Variants in ERBB4 observed in about 807,000 individuals in gnomAD.
ERBB4 encodes erb-b2 receptor tyrosine kinase 4, also known as receptor tyrosine-protein kinase erbB-4.
Under a neutral mutation model 158.0 loss-of-function variants are expected in ERBB4, and 42 were observed. That is an observed-to-expected ratio of 0.27 (90% CI 0.21 to 0.34). ERBB4 has a LOEUF of 0.34. ERBB4 is among the 10% of genes least tolerant of loss of function. The pLI is 1.00. For missense variants in ERBB4, 1,333 were observed against 1,624.1 expected (o/e 0.82, Z 3.08); for synonymous variants, 583 against 558.7 (o/e 1.04, Z -0.61).
intron 25 of ERBB4, among the ~76,000 whole-genome samples, chr2:211,395,120 T>C (rs1016195294): frequency 2.0e-5 from 3 of 152,106 alleles, no homozygotes; most frequent in African/African-American, 7.2e-5. Context: ...AAGTTTTCTC[T>C]CATAAATCTT....
At chr2:211,773,629 T>TATATATATATA (rs2075784967) in intron 4 of ERBB4, among the ~76,000 whole-genome samples, 1 of 51,078 alleles carries the variant, frequency 2.0e-5, no homozygotes, top group Non-Finnish European at 4.1e-5. Flanking sequence ...TATATATATA[T>TATATATATATA]ATATATATAT....
intron 19 of ERBB4, among the ~76,000 whole-genome samples, chr2:211,614,422 T>C (rs931896319): frequency 6.6e-6 from 1 of 152,016 alleles, no homozygotes; most frequent in African/African-American, 2.4e-5. Context: ...TGAGTGTGAT[T>C]GGATTGTTTG....
intron 3 of ERBB4, among the ~76,000 whole-genome samples, chr2:211,805,329 G>A (rs760653364): frequency 6.6e-6 from 1 of 152,120 alleles, no homozygotes; most frequent in African/African-American, 2.4e-5. Context: ...GAAGAGTTGA[G>A]TGAGAACAAG....
chr2:212,055,108 T>G (rs1334628932), intron 2 of ERBB4, among the ~76,000 whole-genome samples: 1 of 152,150 alleles, frequency 6.6e-6, no homozygotes, highest in African/African-American at 2.4e-5. Flanking sequence ...ACCCTAATAC[T>G]GTGCTTTTCC....
intron 1 of ERBB4, among the ~76,000 whole-genome samples, chr2:212,191,439 A>T (rs375553086): frequency 5.3e-5 from 1 of 19,002 alleles, no homozygotes; most frequent in African/African-American, 1.6e-4. Flanking sequence ...GTATATACAC[A>T]TGTTATACAT....
At chr2:211,944,484 C>G (rs2080622806) in intron 3 of ERBB4, among the ~76,000 whole-genome samples, 1 of 151,058 alleles carries the variant, frequency 6.6e-6, no homozygotes, top group Admixed American at 6.6e-5. Context: ...CATTTTATAC[C>G]CAAGTTTCTA....
At chr2:211,679,698 T>C (rs921204373) in intron 12 of ERBB4, among the ~76,000 whole-genome samples, 1 of 152,188 alleles carries the variant, frequency 6.6e-6, no homozygotes, top group Admixed American at 6.5e-5. Context: ...GTTTGTTTTT[T>C]TGAGACAGTC....
chr2:212,338,389 A>T (rs1474672811), intron 1 of ERBB4, among the ~76,000 whole-genome samples: 2 of 152,132 alleles, frequency 1.3e-5, no homozygotes, highest in Non-Finnish European at 1.5e-5. Context: ...GAAAGACCAT[A>T]TGCATATACA....
intron 19 of ERBB4, among the ~76,000 whole-genome samples, chr2:211,616,740 T>G (rs1264061595): frequency 6.6e-6 from 1 of 152,176 alleles, no homozygotes; most frequent in Non-Finnish European, 1.5e-5. Flanking sequence ...GTCTCGAAAA[T>G]AGTAGGACAT....
intron 1 of ERBB4, among the ~76,000 whole-genome samples, chr2:212,310,057 G>T (rs564176883): frequency 3.3e-5 from 5 of 150,576 alleles, no homozygotes; most frequent in Admixed American, 6.6e-5. Flanking sequence ...ATTTTTCTAA[G>T]TAAGTAAACA....
chr2:211,802,686 A>C (rs1265500438), intron 3 of ERBB4, among the ~76,000 whole-genome samples: 1 of 152,242 alleles, frequency 6.6e-6, no homozygotes, highest in African/African-American at 2.4e-5. Flanking sequence ...TTCAAGAGTT[A>C]TAATCTAAAT....
chr2:211,605,518 A>T (rs1252212612), intron 19 of ERBB4, among the ~76,000 whole-genome samples: 1 of 152,096 alleles, frequency 6.6e-6, no homozygotes, highest in African/African-American at 2.4e-5. Context: ...CCTGGAATTT[A>T]TTTACCCCTA....
At chr2:212,507,210 G>GAAAAA (rs537942260) in intron 1 of ERBB4, among the ~76,000 whole-genome samples, 2 of 137,668 alleles carry the variant, frequency 1.5e-5, no homozygotes, top group Non-Finnish European at 3.2e-5. Flanking sequence ...CTATTGCTCA[G>GAAAAA]AAAAAAAAAA....
chr2:212,163,581 T>C (rs1172468040), intron 1 of ERBB4, among the ~76,000 whole-genome samples: 1 of 151,816 alleles, frequency 6.6e-6, no homozygotes, highest in Non-Finnish European at 1.5e-5. Context: ...TAATGAATAA[T>C]TTTTACTGAG....
At chr2:211,968,958 G>A (rs1022426440) in intron 2 of ERBB4, among the ~76,000 whole-genome samples, 1 of 151,870 alleles carries the variant, frequency 6.6e-6, no homozygotes, top group African/African-American at 2.4e-5. Context: ...AATTAGTAAT[G>A]TACATTTTCT....
chr2:212,351,991 AAAG>A (rs1181147292), intron 1 of ERBB4, among the ~76,000 whole-genome samples: 1 of 152,184 alleles, frequency 6.6e-6, no homozygotes, highest in Non-Finnish European at 1.5e-5. Flanking sequence ...CAACCATAAA[AAAG>A]AAGGAGATCT....
chr2:212,487,390 G>A (rs1690033257), intron 1 of ERBB4, among the ~76,000 whole-genome samples: 1 of 151,846 alleles, frequency 6.6e-6, no homozygotes, highest in Admixed American at 6.6e-5. Context: ...ATCCTTATCA[G>A]AATATAAAAT....
At chr2:211,722,641 AT>A in intron 6 of ERBB4, 107 bp from the exon 7 acceptor site, 1 of 1,154,638 alleles carries the variant, frequency 8.7e-7, no homozygotes, top group Non-Finnish European at 1.3e-6. Context: ...TTCCACAAAT[AT>A]TACAAAATTT....
intron 1 of ERBB4, among the ~76,000 whole-genome samples, chr2:212,466,733 T>G (rs968988421): frequency 6.6e-6 from 1 of 152,040 alleles, no homozygotes; most frequent in South Asian, 2.1e-4. Flanking sequence ...ACCAGTAGAG[T>G]GGGGCACTGC....
Sources: allele counts gnomAD v4.1 joint callset (sites outside exome capture counted in the v4.1 genomes callset), GRCh38; gene constraint gnomAD v4.1.1; transcripts MANE v1.5; gene names NCBI Gene and HGNC (gene_info 2026-07-23, HGNC 2026-07-21).